EXTL2: variants seen among roughly 807,000 people sequenced by gnomAD.
EXTL2 encodes exostosin like glycosyltransferase 2.
Under a neutral mutation model 30.7 loss-of-function variants are expected in EXTL2, and 23 were observed. The observed-to-expected ratio is 0.75, with a 90% CI of 0.54 to 1.06. The LOEUF (loss-of-function observed/expected upper bound fraction) is 1.06, where lower values mean the gene tolerates loss of function less well. EXTL2 is among the 50% of genes least tolerant of loss of function. The pLI is 0.00. For synonymous variants in EXTL2, 123 were observed against 133.8 expected, an observed-to-expected ratio of 0.92 and a Z score of 0.56; for missense variants, 352 against 396.3, an observed-to-expected ratio of 0.89 and a Z score of 0.95.
chr1:100,894,585 A>G (rs1433351389), intron 1 of EXTL2, 48 bp downstream of exon 1: 1 of 152,192 alleles, frequency 6.6e-6, no homozygotes, highest in Non-Finnish European at 1.5e-5. Flanking sequence ...TATCCTCACT[A>G]CAAAAAGAAA....
chr1:100,884,142 C>G (rs1649780294), intron 2 of EXTL2, among the ~76,000 whole-genome samples: 1 of 152,174 alleles, frequency 6.6e-6, no homozygotes, highest in Non-Finnish European at 1.5e-5. Context: ...ATTATGTTCT[C>G]TGACTCATAA....
chr1:100,878,011 C>T, intron 2 of EXTL2, 108 bp from the exon 3 acceptor site: 3 of 864,032 alleles, frequency 3.5e-6, no homozygotes, highest in Non-Finnish European at 5.2e-6. Flanking sequence ...TTAGTTGATT[C>T]AAATTCAGTT....
chr1:100,876,507 G>A (rs1190929023), intron 4 of EXTL2, among the ~76,000 whole-genome samples: 1 of 151,962 alleles, frequency 6.6e-6, no homozygotes, highest in Admixed American at 6.6e-5. Flanking sequence ...CCTCATTCTA[G>A]TTTTTGCTGG....
chr1:100,884,183 T>C (rs992191526), intron 2 of EXTL2, among the ~76,000 whole-genome samples: 13 of 152,222 alleles, frequency 8.5e-5, no homozygotes, highest in Non-Finnish European at 5.9e-5. Context: ...CGTGGTGTTG[T>C]ACAATGAGAA....
chr1:100,882,907 A>G (rs1472142350), intron 2 of EXTL2, among the ~76,000 whole-genome samples: 1 of 152,218 alleles, frequency 6.6e-6, no homozygotes. Context: ...GACTTATTGC[A>G]CAAACACAGA....
At chr1:100,875,250 C>CACAT (rs1649019439) in intron 4 of EXTL2, among the ~76,000 whole-genome samples, 1 of 151,702 alleles carries the variant, frequency 6.6e-6, no homozygotes, top group South Asian at 2.1e-4. Context: ...CACACACACA[C>CACAT]ACACACACAC....
At chr1:100,889,112 A>T (rs1023134577) in intron 1 of EXTL2, among the ~76,000 whole-genome samples, 3 of 152,202 alleles carry the variant, frequency 2.0e-5, no homozygotes, top group Non-Finnish European at 4.4e-5. Flanking sequence ...CAGACTGGGT[A>T]ATTTATAAAG....
chr1:100,888,768 T>A lies in EXTL2; in HGVS notation c.-11A>T, dbSNP rs200957907. On this transcript the variant is annotated 5_prime_UTR_variant, in exon 2 of 5. Transcript: ENST00000370114. ...TGGTACTTACCTCATTGTGTTGAAGTTTAATTTTTAAAAAATCTCCTTATA... is the reference window on the plus strand; with the variant it reads ...TGGTACTTACCTCATTGTGTTGAAGATTAATTTTTAAAAAATCTCCTTATA... 6.4e-7 allele frequency: 1 copy of A among 1,563,606 alleles called. No individual in the cohort carries two copies. The highest frequency in any genetic ancestry group is 2.2e-5 in the East Asian group (1 of 44,544).
intron 2 of EXTL2, among the ~76,000 whole-genome samples, chr1:100,886,870 T>C (rs569143760): frequency 9.9e-5 from 15 of 152,218 alleles, no homozygotes; most frequent in East Asian, 3.9e-4. Context: ...TTGATGATGA[T>C]AATGATAATG....
Position 100,874,334 on chromosome 1 carries a change from C to G in EXTL2, c.601G>C (p.Gly201Arg), listed in dbSNP as rs759882915. 1.2e-6 allele frequency: 2 copies of G among 1,612,900 alleles called. No homozygotes were observed. Among genetic ancestry groups the G allele is most frequent in the Middle Eastern group, 1.7e-4 (1 of 6,004 alleles). ...GAGTACTGGTCACCATTTCCAGACCCTGGTGCTTGCATTTCAAAACTTCCA... is the reference window on the plus strand; with the variant it reads ...GAGTACTGGTCACCATTTCCAGACCGTGGTGCTTGCATTTCAAAACTTCCA... ...SYGSFEMQAP[G>R]SGNGDQYSMV... The change falls in exon 5 of 5, where the codon GGG becomes CGG. Residue 201 changes from glycine to arginine, a missense_variant. Gly to Arg is a moderately radical substitution (Grantham distance 125). Coordinates refer to ENST00000370114, the MANE Select transcript of EXTL2 (RefSeq NM_001033025.3).
intron 2 of EXTL2, among the ~76,000 whole-genome samples, chr1:100,882,305 T>A (rs951324523): frequency 1.3e-5 from 2 of 152,240 alleles, no homozygotes; most frequent in Admixed American, 1.3e-4. Flanking sequence ...ATGTTAGGGA[T>A]GCTGCTAAAT....
rs186591785 is a variant in EXTL2 at position 100,875,015 on chromosome 1, A to C, written c.505-585T>G. On this transcript the variant is annotated intron_variant, in intron 4 of 4. Transcript: ENST00000370114. Reference sequence around the variant, plus strand: ...TGTTTATACTTATCTATATAACATAAATGTTTATATTATGTATATGTGAGA... The same window carrying C: ...TGTTTATACTTATCTATATAACATACATGTTTATATTATGTATATGTGAGA... Among the ~76,000 whole-genome samples the C allele has an allele frequency of 4.7e-3, 722 of 152,154 alleles. 4 individuals are homozygous for C. Among genetic ancestry groups the C allele is most frequent in the African/African-American group, 0.016 (684 of 41,528 alleles).
chr1:100,880,077 G>T (rs1415149966), intron 2 of EXTL2, among the ~76,000 whole-genome samples: 2 of 152,092 alleles, frequency 1.3e-5, no homozygotes, highest in African/African-American at 4.8e-5. Context: ...TCATGTTGTG[G>T]TGTGTGTTTT....
intron 4 of EXTL2, among the ~76,000 whole-genome samples, chr1:100,875,230 G>GACACACACAC (rs10547668): frequency 0.021 from 3,199 of 149,382 alleles, 48 homozygotes; most frequent in Middle Eastern, 0.11. Flanking sequence ...CAGAACTAGG[G>GACACACACAC]ACACACACAC....
chr1:100,875,389 A>T (rs1570452281), intron 4 of EXTL2, among the ~76,000 whole-genome samples: 1 of 152,154 alleles, frequency 6.6e-6, no homozygotes, highest in South Asian at 2.1e-4. Context: ...GGTAAATTCA[A>T]TGGGCACATT....
intron 2 of EXTL2, among the ~76,000 whole-genome samples, chr1:100,880,146 C>T (rs575578554): frequency 2.6e-5 from 4 of 152,136 alleles, no homozygotes; most frequent in African/African-American, 7.2e-5. Context: ...ATATATACCC[C>T]GTCTTTAACA....
At chr1:100,889,389 A>G (rs545396944) in intron 1 of EXTL2, among the ~76,000 whole-genome samples, 1 of 152,308 alleles carries the variant, frequency 6.6e-6, no homozygotes, top group Non-Finnish European at 1.5e-5. Flanking sequence ...ACAATTCAAA[A>G]TGAGATTTGG....
rs1056163642 is a variant in EXTL2 at position 100,877,674 on chromosome 1, A to G, written c.235T>C (p.Leu79=). ...TGATAATGATTTAAAAGTTTCAATA[A>G]GAGATCTGTTCTGTTGTACGTCTGC... The part of the protein sequence containing the change: ...IMQTYNRTDL[L]LKLLNHYQAV... The change falls in exon 3 of 5, where the codon TTA becomes CTA. Residue 79 remains leucine (L), a synonymous_variant. Transcript: ENST00000370114. This position sits in a 1 kb window ranked among gnomAD's most constrained non-coding sequence, Gnocchi z 4.1. The G allele has an allele frequency of 6.2e-7, 1 of 1,613,450 alleles. No homozygotes were observed. The highest frequency in any genetic ancestry group is 8.5e-7 in the Non-Finnish European group (1 of 1,179,658).
intron 2 of EXTL2, among the ~76,000 whole-genome samples, chr1:100,883,555 T>C (rs1649730789): frequency 6.6e-6 from 1 of 152,222 alleles, no homozygotes; most frequent in South Asian, 2.1e-4. Context: ...ATCCATGCTG[T>C]ATATATCATG....
Sources: allele counts gnomAD v4.1 joint callset (sites outside exome capture counted in the v4.1 genomes callset), GRCh38; gene constraint gnomAD v4.1.1; non-coding constraint Gnocchi (gnomAD v3.1); transcripts MANE v1.5; gene names NCBI Gene and HGNC (gene_info 2026-07-23, HGNC 2026-07-21).